The following GPR12 variants were observed in gnomAD, a reference collection of about 807,000 sequenced individuals.
GPR12 encodes G protein-coupled receptor 12, also known as G-protein coupled receptor 12.
Under a neutral mutation model 18.9 loss-of-function variants are expected in GPR12, and 7 were observed. That is an observed-to-expected ratio of 0.37 (90% CI 0.21 to 0.70). The LOEUF is 0.70. Ranked by LOEUF, GPR12 falls within the 30% of genes least tolerant of loss-of-function variation. The pLI is 0.54. For missense variants in GPR12, 327 were observed against 427.7 expected (o/e 0.76, Z 2.08); for synonymous variants, 201 against 188.6 (o/e 1.07, Z -0.54).
Position 26,757,478 on chromosome 13 carries a change from A to G in GPR12, c.*1345T>C, listed in dbSNP as rs762660209. 4.6e-5 allele frequency: 7 copies of G among 152,214 alleles called. No individual in the cohort carries two copies. The highest frequency in any genetic ancestry group is 7.3e-5 in the Non-Finnish European group (5 of 68,028). 9.4% of individuals were successfully genotyped at this position (152,214 alleles called of 1,614,324 possible). Reference sequence around the variant, plus strand: ...AAACCTGAGACACATCGATTTTACAATGTGTTTAAAGTGAATTCTTCTTTG... The same window carrying G: ...AAACCTGAGACACATCGATTTTACAGTGTGTTTAAAGTGAATTCTTCTTTG... On this transcript the variant is annotated 3_prime_UTR_variant, in exon 2 of 2. Coordinates refer to ENST00000405846, the MANE Select transcript of GPR12 (RefSeq NM_005288.4).
At position 26,758,839 on chromosome 13, in the gene GPR12, G is replaced by A. The variant is rs1209566153; in HGVS notation, c.989C>T (p.Ser330Leu). 1 of 1,609,908 alleles carries A rather than the reference G, an allele frequency of 6.2e-7. No homozygotes were observed. The highest frequency in any genetic ancestry group is 8.5e-7 in the Non-Finnish European group (1 of 1,177,042). The change falls in exon 2 of 2, where the codon TCG (serine) becomes TTG (leucine). Residue 330 changes from serine (S) to leucine (L), a missense_variant. Physicochemically the swap from Ser to Leu is moderately radical, Grantham distance 145. Coordinates refer to ENST00000405846, the MANE Select transcript of GPR12 (RefSeq NM_005288.4). ...IPSSLAQRAR[S>L]PSDV Reference sequence around the variant, plus strand: ...GCAAGGGTGCTACACATCACTGGGCGAGCGCGCTCTCTGGGCGAGACTGGA... The same window carrying A: ...GCAAGGGTGCTACACATCACTGGGCAAGCGCGCTCTCTGGGCGAGACTGGA...
In GPR12 at chr13:26,758,722, G is replaced by T. The variant is rs1016382544; in HGVS notation, c.*101C>A. On this transcript the variant is annotated 3_prime_UTR_variant, in exon 2 of 2. Coordinates refer to ENST00000405846, the MANE Select transcript of GPR12 (RefSeq NM_005288.4). ...CGAATGCTAAGTGCTCCTGTGGCTT[G>T]AGAGGGAATCCAATGCAAGGAATTC... The T allele has an allele frequency of 3.2e-5, 47 of 1,467,412 alleles. No homozygotes were observed. Among genetic ancestry groups the T allele is most frequent in the Admixed American group, 2.8e-4 (11 of 38,978 alleles). 90.9% of individuals were successfully genotyped at this position (1,467,412 alleles called of 1,614,324 possible).
In GPR12 at chr13:26,756,749, C is replaced by T. The variant is rs925489410; in HGVS notation, c.*2074G>A. The T allele has an allele frequency of 2.6e-5, 4 of 152,162 alleles. No homozygotes were observed. The highest frequency in any genetic ancestry group is 9.7e-5 in the African/African-American group (4 of 41,444). 9.4% of individuals were successfully genotyped at this position (152,162 alleles called of 1,614,324 possible). On this transcript the variant is annotated 3_prime_UTR_variant, in exon 2 of 2. Transcript: ENST00000405846. The stretch of plus-strand genomic sequence containing the variant: ...AGTTTTGTGATTATAGTAAAACACG[C>T]AGCATGGGGCCTGGCACACATGTGG...
chr13:26,756,030 C>T lies in GPR12; in HGVS notation c.*2793G>A, dbSNP rs1884367592. 1 of 152,056 alleles carries T rather than the reference C, an allele frequency of 6.6e-6. No homozygotes were observed. Among genetic ancestry groups the T allele is most frequent in the Non-Finnish European group, 1.5e-5 (1 of 68,024 alleles). The allele number at this position is 152,056 out of a possible 1,614,324, so 9.4% of individuals were successfully genotyped here. On this transcript the variant is annotated 3_prime_UTR_variant, in exon 2 of 2. Transcript: ENST00000405846. Reference sequence around the variant, plus strand: ...AATTAGCTCCACAGGAAAAAAGAAACCTTGTAGAAAACCACATAAATATCC... The same window carrying T: ...AATTAGCTCCACAGGAAAAAAGAAATCTTGTAGAAAACCACATAAATATCC...
rs778996530 is a variant in GPR12 at position 26,759,285 on chromosome 13, G to A, written c.543C>T (p.Cys181=). The A allele has an allele frequency of 1.2e-6, 2 of 1,613,184 alleles. No homozygotes were observed. The highest frequency in any genetic ancestry group is 8.5e-7 in the Non-Finnish European group (1 of 1,179,988). The change falls in exon 2 of 2, where the codon TGC becomes TGT. Residue 181 remains cysteine (C), a synonymous_variant. Coordinates refer to ENST00000405846, the MANE Select transcript of GPR12 (RefSeq NM_005288.4). ...CGCTGCAGGTGGACTCGTCTCGGAGGCAGTTCCAGCCCATGACGGGCAGCA... is the reference window on the plus strand; with the variant it reads ...CGCTGCAGGTGGACTCGTCTCGGAGACAGTTCCAGCCCATGACGGGCAGCA... ...LGLLPVMGWN[C]LRDESTCSVV...
In GPR12 at chr13:26,759,611, G is replaced by A. The variant is rs1566093744; in HGVS notation, c.217C>T (p.Pro73Ser). 1 of 1,614,160 alleles carries A rather than the reference G, an allele frequency of 6.2e-7. No individual in the cohort carries two copies. Among genetic ancestry groups the A allele is most frequent in the Non-Finnish European group, 8.5e-7 (1 of 1,180,028 alleles). Residue 73 changes from proline (P) to serine (S), a missense_variant, in exon 2 of 2, where the codon CCC becomes TCC. Transcript: ENST00000405846. ...AIVVLIIFHN[P>S]SLRAPMFLLI... Reference sequence around the variant, plus strand: ...AGGAACATGGGTGCTCGCAGGCTGGGGTTGTGGAAGATGATAAGGACCACA... The same window carrying A: ...AGGAACATGGGTGCTCGCAGGCTGGAGTTGTGGAAGATGATAAGGACCACA...
rs777641397 is a variant in GPR12 at position 26,759,734 on chromosome 13, G to A, written c.94C>T (p.Arg32Trp). 32 of 1,613,168 alleles carry A rather than the reference G, an allele frequency of 2.0e-5. No homozygotes were observed. Among genetic ancestry groups the A allele is most frequent in the Non-Finnish European group, 2.5e-5 (29 of 1,179,338 alleles). The change falls in exon 2 of 2, where the codon CGG becomes TGG. Residue 32 changes from arginine (R) to tryptophan (W), a missense_variant. Coordinates refer to ENST00000405846, the MANE Select transcript of GPR12 (RefSeq NM_005288.4). ...AENISAAVSS[R>W]VPAVEPEPEL... is the part of the protein sequence containing the mutation. ...GGCTCTGGCTCTACGGCAGGAACCC[G>A]GGAGGAGACAGCAGCCGAGATGTTC...
rs1884399299 is a variant in GPR12 at position 26,757,594 on chromosome 13, A to T, written c.*1229T>A. The T allele has an allele frequency of 6.6e-6, 1 of 152,224 alleles. No homozygotes were observed. The highest frequency in any genetic ancestry group is 2.4e-5 in the African/African-American group (1 of 41,450). 9.4% of individuals were successfully genotyped at this position (152,224 alleles called of 1,614,324 possible). A position where few individuals can be genotyped will look rare whatever the true frequency, so the allele number is the denominator to read the frequency against. The stretch of plus-strand genomic sequence containing the variant: ...GTTTTTGGTGAAAAGGAGTTAAAAG[A>T]TTTCAAACTTAACTTTTCATCAACA... On this transcript the variant is annotated 3_prime_UTR_variant, in exon 2 of 2. Transcript: ENST00000405846.
Position 26,758,875 on chromosome 13 carries a change from C to T in GPR12, c.953G>A (p.Gly318Asp). 1 of 1,613,938 alleles carries T rather than the reference C, an allele frequency of 6.2e-7. No individual in the cohort carries two copies. The highest frequency in any genetic ancestry group is 8.5e-7 in the Non-Finnish European group (1 of 1,179,882). The change falls in exon 2 of 2, where the codon GGC (glycine) becomes GAC (aspartate). Residue 318 changes from glycine (G) to aspartate (D), a missense_variant. Transcript: ENST00000405846. Reference protein sequence around the residue: ...IQKALCLICCGCIPSSLAQRA... With the variant: ...IQKALCLICCDCIPSSLAQRA... ...CTGGGCGAGACTGGACGGGATGCAGCCGCAGCAAATGAGACAGAGCGCTTT... is the reference window on the plus strand; with the variant it reads ...CTGGGCGAGACTGGACGGGATGCAGTCGCAGCAAATGAGACAGAGCGCTTT...
rs192602884 is a variant in GPR12 at position 26,755,609 on chromosome 13, G to A, written c.*3214C>T. ...CTTACTGTAGGCTCCAGGCAAGGAG[G>A]GGCTCTATCTCCACCCTGCTTCCCT... On this transcript the variant is annotated 3_prime_UTR_variant, in exon 2 of 2. Transcript: ENST00000405846. 6.6e-6 allele frequency: 1 copy of A among 152,034 alleles called. No homozygotes were observed. The highest frequency in any genetic ancestry group is 2.4e-5 in the African/African-American group (1 of 41,372). The allele number at this position is 152,034 out of a possible 1,614,324, so 9.4% of individuals were successfully genotyped here.
rs997377961 is a variant in GPR12, at chr13:26,759,373, C to T, written c.455G>A (p.Arg152Lys). The change falls in exon 2 of 2, where the codon AGG becomes AAG. Residue 152 changes from arginine to lysine, a missense_variant. Physicochemically the swap from Arg to Lys is conservative, Grantham distance 26. Coordinates refer to ENST00000405846, the MANE Select transcript of GPR12 (RefSeq NM_005288.4). Reference sequence around the variant, plus strand: ...CATGACATAGGTAAACGTGACCGTCCTCTCCGAATGGTACGTCAGAGCGTA... The same window carrying T: ...CATGACATAGGTAAACGTGACCGTCTTCTCCGAATGGTACGTCAGAGCGTA... ...LYYALTYHSE[R>K]TVTFTYVMLV... 5 of 1,613,764 alleles carry T rather than the reference C, an allele frequency of 3.1e-6. No individual in the cohort carries two copies. In the African/African-American group the frequency reaches 6.7e-5, roughly 22 times the overall value.
In GPR12 at chr13:26,757,333, A is replaced by G. The variant is rs1251291577; in HGVS notation, c.*1490T>C. On this transcript the variant is annotated 3_prime_UTR_variant, in exon 2 of 2. Transcript: ENST00000405846. ...AAATACTGCTTTTGCTGCCATCTGA[A>G]TGGGCTCAATTAATGTGCTGCCAAG... The G allele has an allele frequency of 3.9e-5, 6 of 152,228 alleles. No homozygotes were observed. The highest frequency in any genetic ancestry group is 1.2e-4 in the African/African-American group (5 of 41,466). The allele number at this position is 152,228 out of a possible 1,614,324, so 9.4% of individuals were successfully genotyped here.
rs1296918779 is a variant in GPR12 at position 26,757,569 on chromosome 13, G to T, written c.*1254C>A. On this transcript the variant is annotated 3_prime_UTR_variant, in exon 2 of 2. Coordinates refer to ENST00000405846, the MANE Select transcript of GPR12 (RefSeq NM_005288.4). ...TGTGATTTTTATTGTGTATAAATTG[G>T]TTTTTGGTGAAAAGGAGTTAAAAGA... is the stretch of plus-strand genomic sequence containing the variant. 1.3e-5 allele frequency: 2 copies of T among 152,170 alleles called. No individual in the cohort carries two copies. Among genetic ancestry groups the T allele is most frequent in the Non-Finnish European group, 2.9e-5 (2 of 68,016 alleles). 9.4% of individuals were successfully genotyped at this position (152,170 alleles called of 1,614,324 possible).
In GPR12 at chr13:26,758,638, A is replaced by T; in HGVS notation, c.*185T>A. 1.1e-6 allele frequency: 1 copy of T among 919,216 alleles called. No homozygotes were observed. Among genetic ancestry groups the T allele is most frequent in the Non-Finnish European group, 1.6e-6 (1 of 642,236 alleles). The allele number at this position is 919,216 out of a possible 1,614,324, so 56.9% of individuals were successfully genotyped here. On this transcript the variant is annotated 3_prime_UTR_variant, in exon 2 of 2. Transcript: ENST00000405846. ...AACAATTTTTTTTAATGGTGAAAAC[A>T]CTGGTAACATTATTTTCACTTCAAT...
chr13:26,758,582 G>T lies in GPR12; in HGVS notation c.*241C>A. 1.8e-6 allele frequency: 1 copy of T among 550,644 alleles called. No homozygotes were observed. The highest frequency in any genetic ancestry group is 3.0e-6 in the Non-Finnish European group (1 of 334,344). The allele number at this position is 550,644 out of a possible 1,614,324, so 34.1% of individuals were successfully genotyped here. On this transcript the variant is annotated 3_prime_UTR_variant, in exon 2 of 2. Coordinates refer to ENST00000405846, the MANE Select transcript of GPR12 (RefSeq NM_005288.4). ...TATAAAAGGAAACCCTTGCCCCCAA[G>T]CAAAACAAAATAATGTTGAGTGGAG...
In GPR12 at chr13:26,758,642, G is replaced by A. The variant is rs1884418792; in HGVS notation, c.*181C>T. 7 of 936,790 alleles carry A rather than the reference G, an allele frequency of 7.5e-6. No homozygotes were observed. The highest frequency in any genetic ancestry group is 1.1e-5 in the Non-Finnish European group (7 of 658,632). The allele number at this position is 936,790 out of a possible 1,614,324, so 58.0% of individuals were successfully genotyped here. A position where few individuals can be genotyped will look rare whatever the true frequency, so the allele number is the denominator to read the frequency against. On this transcript the variant is annotated 3_prime_UTR_variant, in exon 2 of 2. Transcript: ENST00000405846. ...ATTTTTTTTAATGGTGAAAACACTG[G>A]TAACATTATTTTCACTTCAATCACT...
rs1884388380 is a variant in GPR12, at chr13:26,757,041, T to C, written c.*1782A>G. ...AAATGTTTTAAAGGCATCAGTTTTA[T>C]TAGATTGATCATACAGTGGTATGTA... On this transcript the variant is annotated 3_prime_UTR_variant, in exon 2 of 2. Transcript: ENST00000405846. The C allele has an allele frequency of 6.6e-6, 1 of 152,218 alleles. No individual in the cohort carries two copies. Among genetic ancestry groups the C allele is most frequent in the Non-Finnish European group, 1.5e-5 (1 of 68,046 alleles). 9.4% of individuals were successfully genotyped at this position (152,218 alleles called of 1,614,324 possible). A position where few individuals can be genotyped will look rare whatever the true frequency, so the allele number is the denominator to read the frequency against.
Position 26,757,219 on chromosome 13 carries a change from C to T in GPR12, c.*1604G>A, listed in dbSNP as rs1057378601. ...GAGAGAAGGCATCAGCATGCAGGCT[C>T]CCAGAATGGTCTTGAGAGCACCCTG... On this transcript the variant is annotated 3_prime_UTR_variant, in exon 2 of 2. Transcript: ENST00000405846. 8 of 152,162 alleles carry T rather than the reference C, an allele frequency of 5.3e-5. No homozygotes were observed. The highest frequency in any genetic ancestry group is 1.9e-4 in the African/African-American group (8 of 41,430). The allele number at this position is 152,162 out of a possible 1,614,324, so 9.4% of individuals were successfully genotyped here.
rs1884418271 is a variant in GPR12 at position 26,758,615 on chromosome 13, C to A, written c.*208G>T. 1 of 766,362 alleles carries A rather than the reference C, an allele frequency of 1.3e-6. No individual in the cohort carries two copies. The highest frequency in any genetic ancestry group is 1.7e-5 in the African/African-American group (1 of 57,656). 47.5% of individuals were successfully genotyped at this position (766,362 alleles called of 1,614,324 possible). ...AAATAATGTTGAGTGGAGAGCTCAA[C>A]AATTTTTTTTAATGGTGAAAACACT... On this transcript the variant is annotated 3_prime_UTR_variant, in exon 2 of 2. Transcript: ENST00000405846.
Sources: allele counts gnomAD v4.1 joint callset, GRCh38; gene constraint gnomAD v4.1.1; transcripts MANE v1.5; gene names NCBI Gene and HGNC (gene_info 2026-07-23, HGNC 2026-07-21).